ZGRF1: variants seen among roughly 807,000 people sequenced by gnomAD.
ZGRF1 encodes 5'-3' DNA helicase ZGRF1.
ZGRF1 carries 196 observed loss-of-function variants against 203.5 expected under a neutral mutation model. The ratio of observed to expected loss-of-function variants is 0.96; its 90% CI spans 0.86 to 1.08. ZGRF1 has a LOEUF of 1.08. Ranked by LOEUF, ZGRF1 falls within the 50% of genes least tolerant of loss-of-function variation. The pLI is 0.00. For synonymous variants in ZGRF1, 809 were observed against 841.3 expected, an observed-to-expected ratio of 0.96 and a Z score of 0.66; for missense variants, 2,326 against 2,416.3, an observed-to-expected ratio of 0.96 and a Z score of 0.78.
At chr4:112,581,363 G>A (rs754493737) in intron 16 of ZGRF1, among the ~76,000 whole-genome samples, 65 of 151,012 alleles carry the variant, frequency 4.3e-4, no homozygotes, top group South Asian at 1.7e-3. Flanking sequence ...CACCAACATG[G>A]CACATGTATA....
At chr4:112,591,298 C>A (rs1342884822) in intron 10 of ZGRF1, among the ~76,000 whole-genome samples, 1 of 152,084 alleles carries the variant, frequency 6.6e-6, no homozygotes, top group East Asian at 1.9e-4. Flanking sequence ...ATTCATCAAG[C>A]TTATAAGGGA....
At chr4:112,553,121 C>T (rs1342543089) in intron 22 of ZGRF1, among the ~76,000 whole-genome samples, 1 of 152,214 alleles carries the variant, frequency 6.6e-6, no homozygotes, top group East Asian at 1.9e-4. Flanking sequence ...CTCATTTTCT[C>T]AACTCTCTAG....
chr4:112,626,124 A>G (rs2047232277), intron 3 of ZGRF1, among the ~76,000 whole-genome samples: 1 of 152,182 alleles, frequency 6.6e-6, no homozygotes, highest in Non-Finnish European at 1.5e-5. Context: ...AGTAATTGCC[A>G]ATGAGTATGA....
chr4:112,544,433 C>T (rs968870870), intron 24 of ZGRF1, among the ~76,000 whole-genome samples: 1 of 152,068 alleles, frequency 6.6e-6, no homozygotes, highest in Non-Finnish European at 1.5e-5. Context: ...GCATAGTGAG[C>T]CAGAATTCAT....
intron 12 of ZGRF1, 140 bp from the exon 13 acceptor site, chr4:112,586,723 T>G: frequency 1.4e-6 from 1 of 708,056 alleles, no homozygotes; most frequent in Non-Finnish European, 2.1e-6. Context: ...TACTTTCAAA[T>G]TTTAAATGAG....
At chr4:112,606,842 T>C (rs2149108485) in intron 8 of ZGRF1, among the ~76,000 whole-genome samples, 1 of 152,310 alleles carries the variant, frequency 6.6e-6, no homozygotes, top group East Asian at 1.9e-4. Context: ...CAAAACACGA[T>C]ACTGACAACA....
chr4:112,549,356 A>G (rs1578675937), intron 22 of ZGRF1, among the ~76,000 whole-genome samples: 1 of 152,224 alleles, frequency 6.6e-6, no homozygotes, highest in Non-Finnish European at 1.5e-5. Context: ...CTATCTATAC[A>G]CACATGTGTA....
At chr4:112,603,467 G>A in intron 10 of ZGRF1, 57 bp downstream of exon 10, 1 of 1,215,964 alleles carries the variant, frequency 8.2e-7, no homozygotes, top group Non-Finnish European at 1.2e-6. Flanking sequence ...TTCACAAAAT[G>A]TAGTATTAAC....
chr4:112,625,211 C>G (rs2047193712), intron 3 of ZGRF1, among the ~76,000 whole-genome samples: 1 of 152,170 alleles, frequency 6.6e-6, no homozygotes, highest in South Asian at 2.1e-4. Flanking sequence ...ATTGTTTGAG[C>G]CTAAGGGTTT....
At chr4:112,548,215 ACAGGTATTACCCCTG>A in intron 23 of ZGRF1, 23 bp downstream of exon 23, 1 of 1,547,600 alleles carries the variant, frequency 6.5e-7, no homozygotes, top group Non-Finnish European at 8.7e-7. Context: ...TGCTAGGATT[ACAGGTATTACCCCTG>A]GGGAAAGAAT....
In ZGRF1 at chr4:112,618,318, C is replaced by T; in HGVS notation, c.1724G>A (p.Arg575Lys). Reference sequence around the variant, plus strand: ...CTCTTCACAGTTTGTATTCTCAGACCTCTTTTGAAAACATGAATTGCCATC... The same window carrying T: ...CTCTTCACAGTTTGTATTCTCAGACTTCTTTTGAAAACATGAATTGCCATC... ...VNDGNSCFQKRSENTNCEEIE... is the reference protein window; with the variant it reads ...VNDGNSCFQKKSENTNCEEIE... Residue 575 changes from arginine to lysine, a missense_variant, in exon 6 of 28, where the codon AGG becomes AAG. Coordinates refer to ENST00000505019, the MANE Select transcript of ZGRF1 (RefSeq NM_018392.5). 6.2e-7 allele frequency: 1 copy of T among 1,613,874 alleles called. No homozygotes were observed. The highest frequency in any genetic ancestry group is 8.5e-7 in the Non-Finnish European group (1 of 1,179,932).
chr4:112,560,994 A>T lies in ZGRF1; in HGVS notation c.4699T>A (p.Ser1567Thr). 1 of 1,601,818 alleles carries T rather than the reference A, an allele frequency of 6.2e-7. No individual in the cohort carries two copies. The highest frequency in any genetic ancestry group is 8.5e-7 in the Non-Finnish European group (1 of 1,170,754). The change falls in exon 19 of 28, where the codon TCT becomes ACT. Residue 1567 changes from serine (S) to threonine (T), a missense_variant and splice_region_variant. Ser to Thr is a moderately conservative substitution (Grantham distance 58). Coordinates refer to ENST00000505019, the MANE Select transcript of ZGRF1 (RefSeq NM_018392.5). ...LPLTQYLLTT[S>T]SPTIVSNKRV... ...TTGTTACTAACTATAGTTGGCGAAG[A>T]CCTAATAAAAATGAAGCAAATAAAC... is the stretch of plus-strand genomic sequence containing the variant.
rs563779244 is a variant in ZGRF1 at position 112,576,867 on chromosome 4, C to T, written c.4438+4796G>A. 2.6e-4 allele frequency among the ~76,000 whole-genome samples: 40 copies of T among 152,046 alleles called. No individual in the cohort carries two copies. The South Asian group carries it at 3.9e-3, about 15-fold the overall frequency. On this transcript the variant is annotated intron_variant, in intron 16 of 27. Coordinates refer to ENST00000505019, the MANE Select transcript of ZGRF1 (RefSeq NM_018392.5). ...GGAAAACACTCTGCAGGATATTATC[C>T]AGGAAAACTTCCCCAATCTAGCAAG...
chr4:112,562,030 C>T (rs1032299254), intron 18 of ZGRF1, among the ~76,000 whole-genome samples: 2 of 151,598 alleles, frequency 1.3e-5, no homozygotes, highest in Non-Finnish European at 2.9e-5. Flanking sequence ...CTGCCTCAGC[C>T]TCCCGAATAG....
intron 4 of ZGRF1, among the ~76,000 whole-genome samples, chr4:112,621,317 C>CA (rs150700061): frequency 0.07 from 10,723 of 152,108 alleles, 518 homozygotes; most frequent in Non-Finnish European, 0.099. Flanking sequence ...TGTTAATGAG[C>CA]AAATGTAGTA....
At chr4:112,624,004 T>C (rs1246568832) in intron 3 of ZGRF1, 128 bp from the exon 4 acceptor site, 1 of 613,736 alleles carries the variant, frequency 1.6e-6, no homozygotes, top group Non-Finnish European at 2.9e-6. Flanking sequence ...TTGTTGAACT[T>C]GGATTTGAAA....
chr4:112,568,711 C>CAAAAA (rs76531414), intron 16 of ZGRF1, among the ~76,000 whole-genome samples: 3 of 42,846 alleles, frequency 7.0e-5, no homozygotes, highest in African/African-American at 2.0e-4. Context: ...AACTCTGTCT[C>CAAAAA]AAAAAAAAAA....
At chr4:112,604,939 T>A (rs1409582937) in intron 9 of ZGRF1, among the ~76,000 whole-genome samples, 3 of 152,214 alleles carry the variant, frequency 2.0e-5, no homozygotes, top group Non-Finnish European at 4.4e-5. Context: ...AATTTGAATA[T>A]ACTCTTATTC....
At chr4:112,619,838 T>C in intron 5 of ZGRF1, 148 bp from the exon 6 acceptor site, 1 of 917,186 alleles carries the variant, frequency 1.1e-6, no homozygotes, top group Non-Finnish European at 1.6e-6. Context: ...CAAAGTACAT[T>C]CATTTGTAAT....
Sources: allele counts gnomAD v4.1 joint callset (sites outside exome capture counted in the v4.1 genomes callset), GRCh38; gene constraint gnomAD v4.1.1; transcripts MANE v1.5; gene names NCBI Gene and HGNC (gene_info 2026-07-23, HGNC 2026-07-21).